Variants in MYH14 observed in about 807,000 individuals in gnomAD.
MYH14 encodes the protein myosin-14.
In MYH14, 123 loss-of-function variants were observed where a neutral mutation model predicts 255.5. The ratio of observed to expected loss-of-function variants is 0.48; its 90% confidence interval spans 0.42 to 0.56. The LOEUF (loss-of-function observed/expected upper bound fraction) is 0.56. Among genes scored for constraint, MYH14 ranks in the 20% least tolerant of loss-of-function variants. MYH14 has a pLI of 0.00. For synonymous variants in MYH14, 1,095 were observed against 1,161.2 expected (o/e 0.94, Z 1.16); for missense variants, 2,423 against 2,802.3 (o/e 0.86, Z 3.06).
intron 3 of MYH14, among the ~76,000 whole-genome samples, chr19:50,220,562 A>T (rs1040326049): frequency 6.1e-5 from 9 of 147,392 alleles, no homozygotes; most frequent in Non-Finnish European, 1.2e-4. Flanking sequence ...TATTATGCTT[A>T]TTTTTTTTTT....
intron 10 of MYH14, among the ~76,000 whole-genome samples, chr19:50,238,456 T>C (rs1442873614): frequency 6.6e-6 from 1 of 152,136 alleles, no homozygotes; most frequent in African/African-American, 2.4e-5. Context: ...TATTTTTTAT[T>C]TTTTTTGAGA....
chr19:50,295,194 A>G (rs7245426), intron 39 of MYH14, among the ~76,000 whole-genome samples: 101,532 of 151,316 alleles, frequency 0.67, 36,304 homozygotes, highest in East Asian at 0.99. Context: ...GCATGGTGGC[A>G]TGTACCTGTA....
Position 50,231,930 on chromosome 19 carries a change from C to T in MYH14, c.974C>T (p.Ala325Val). The change falls in exon 10 of 43, where the codon GCC becomes GTC. Residue 325 changes from alanine to valine, a missense_variant and splice_region_variant. Transcript: ENST00000642316. ...LLGGAGEQLK[A>V]DLLLEPCSHY... is the part of the protein sequence containing the mutation. ...TTGACCCCACTCATTGTCCCTGCAGCCGACCTCCTCCTCGAGCCCTGCTCC... is the reference window on the plus strand; with the variant it reads ...TTGACCCCACTCATTGTCCCTGCAGTCGACCTCCTCCTCGAGCCCTGCTCC... The T allele has an allele frequency of 1.2e-6, 2 of 1,613,938 alleles. No homozygotes were observed. The highest frequency in any genetic ancestry group is 1.7e-6 in the Non-Finnish European group (2 of 1,179,880).
At chr19:50,210,096 C>CAAAAAAAAAAA (rs71180680) in intron 1 of MYH14, among the ~76,000 whole-genome samples, 2 of 59,630 alleles carry the variant, frequency 3.4e-5, no homozygotes, top group African/African-American at 6.0e-5. Context: ...GACTCCGTCT[C>CAAAAAAAAAAA]AAAAAAAAAA....
chr19:50,224,183 T>C lies in MYH14; in HGVS notation c.717+6T>C. On this transcript the variant is annotated splice_donor_region_variant and intron_variant, in intron 6 of 42. Coordinates refer to ENST00000642316, the MANE Select transcript of MYH14 (RefSeq NM_001145809.2). The stretch of plus-strand genomic sequence containing the variant: ...CCGTCAGCACCGTGTCTTATGTGAG[T>C]AGCAGGGGATCACCTCGAGTCTTGC... 2 of 1,613,824 alleles carry C rather than the reference T, an allele frequency of 1.2e-6. No homozygotes were observed. Among genetic ancestry groups the C allele is most frequent in the Non-Finnish European group, 1.7e-6 (2 of 1,179,856 alleles).
In MYH14 at chr19:50,266,729, G is replaced by A; in HGVS notation, c.2695-148G>A. On this transcript the variant is annotated intron_variant, in intron 22 of 42. Transcript: ENST00000642316. The surrounding 1 kb of genome is among the most constrained non-coding windows in gnomAD (Gnocchi z 4.1). ...TTGCCTGTACCTGTCAGTGTTCTAGGCCTGTGACCAGGGACTGTTGCCAAG... is the reference window on the plus strand; with the variant it reads ...TTGCCTGTACCTGTCAGTGTTCTAGACCTGTGACCAGGGACTGTTGCCAAG... 4.3e-6 allele frequency: 4 copies of A among 936,112 alleles called. No homozygotes were observed. Among genetic ancestry groups the A allele is most frequent in the Non-Finnish European group, 6.5e-6 (4 of 611,984 alleles). 58.0% of individuals were successfully genotyped at this position (936,112 alleles called of 1,614,324 possible).
chr19:50,271,361 T>TC (rs759149973), intron 24 of MYH14, 48 bp from the exon 25 acceptor site: 16 of 1,567,436 alleles, frequency 1.0e-5, no homozygotes, highest in South Asian at 3.5e-5. Flanking sequence ...CCCATCACAC[T>TC]CCATCTATTG....
At chr19:50,286,321 A>C in intron 33 of MYH14, 161 bp from the exon 34 acceptor site, 2 of 661,792 alleles carry the variant, frequency 3.0e-6, no homozygotes, top group Non-Finnish European at 5.2e-6. Flanking sequence ...GGTTTGGGAC[A>C]CGGTTGCAAC....
intron 18 of MYH14, among the ~76,000 whole-genome samples, chr19:50,258,225 C>T (rs186044122): frequency 3.1e-4 from 47 of 152,140 alleles, no homozygotes; most frequent in African/African-American, 7.7e-4. Context: ...CCACCACGCC[C>T]AGCCTGAGAT....
intron 10 of MYH14, among the ~76,000 whole-genome samples, chr19:50,233,815 C>T (rs1380174462): frequency 3.6e-5 from 3 of 84,164 alleles, no homozygotes; most frequent in Middle Eastern, 6.3e-3. Flanking sequence ...CCCCTCCCCC[C>T]GACCCCCCCG....
intron 36 of MYH14, 81 bp from the exon 37 acceptor site, chr19:50,292,180 C>T (rs1050186852): frequency 1.0e-5 from 14 of 1,401,424 alleles, no homozygotes; most frequent in Admixed American, 5.8e-5. Flanking sequence ...TGAGGAGCCC[C>T]GTCGGTCTGG....
intron 19 of MYH14, among the ~76,000 whole-genome samples, chr19:50,259,676 C>T (rs1026014268): frequency 1.3e-5 from 2 of 152,194 alleles, no homozygotes; most frequent in Admixed American, 6.5e-5. Context: ...GTCGGAAGTT[C>T]GAGACCAGCC....
At position 50,244,628 on chromosome 19, in the gene MYH14, C is replaced by T. The variant is rs908472057; in HGVS notation, c.1210+291C>T. Reference sequence around the variant, plus strand: ...CCTCCTGAGTAGCTGGGACTACAGGCGCCCGCCACCACGCCCGGCTAATTG... The same window carrying T: ...CCTCCTGAGTAGCTGGGACTACAGGTGCCCGCCACCACGCCCGGCTAATTG... On this transcript the variant is annotated intron_variant, in intron 11 of 42. Transcript: ENST00000642316. 7.9e-5 allele frequency among the ~76,000 whole-genome samples: 12 copies of T among 151,896 alleles called. 1 individual carries two copies. The East Asian group carries it at 1.4e-3, about 17-fold the overall frequency.
At chr19:50,225,559 C>A (rs1487930739) in intron 6 of MYH14, 26 bp from the exon 7 acceptor site, 1 of 1,599,766 alleles carries the variant, frequency 6.3e-7, no homozygotes. Context: ...TCACTGACCT[C>A]ATGCATCATC....
intron 39 of MYH14, among the ~76,000 whole-genome samples, chr19:50,297,054 T>C (rs788396): frequency 0.84 from 127,047 of 151,714 alleles, 53,450 homozygotes; most frequent in East Asian, 1. Flanking sequence ...GGTGTGATCT[T>C]GGCTCACTGC....
Position 50,289,501 on chromosome 19 carries a change from G to A in MYH14, c.4818G>A (p.Val1606=). ...CAGCCAATGATCTGCGAGCACAGGT[G>A]ACAGAACTGGAGGATGAGCTGACAG... ...EQAANDLRAQ[V]TELEDELTAA... is the part of the protein sequence containing the mutation. The change falls in exon 35 of 43, where the codon GTG becomes GTA. Residue 1606 remains valine, a synonymous_variant. Transcript: ENST00000642316. 2 of 1,613,192 alleles carry A rather than the reference G, an allele frequency of 1.2e-6. No individual in the cohort carries two copies. The highest frequency in any genetic ancestry group is 1.7e-6 in the Non-Finnish European group (2 of 1,179,660).
chr19:50,295,959 A>G (rs2036250983), intron 39 of MYH14, among the ~76,000 whole-genome samples: 1 of 151,982 alleles, frequency 6.6e-6, no homozygotes, highest in African/African-American at 2.4e-5. Context: ...AAAAATACAA[A>G]AACTAGCCAG....
chr19:50,283,831 G>C (rs2035800587), intron 33 of MYH14, among the ~76,000 whole-genome samples: 1 of 152,154 alleles, frequency 6.6e-6, no homozygotes, highest in African/African-American at 2.4e-5. Context: ...CCAGCACTTT[G>C]GGAGGCCAAG....
chr19:50,224,032 T>TTGC, intron 5 of MYH14, 122 bp from the exon 6 acceptor site: 1 of 610,328 alleles, frequency 1.6e-6, no homozygotes, highest in Non-Finnish European at 3.0e-6. Context: ...ATGCCCGGTT[T>TTGC]CCCCAGTCCC....
Sources: allele counts gnomAD v4.1 joint callset (sites outside exome capture counted in the v4.1 genomes callset), GRCh38; gene constraint gnomAD v4.1.1; non-coding constraint Gnocchi (gnomAD v3.1); transcripts MANE v1.5; gene names NCBI Gene and HGNC (gene_info 2026-07-23, HGNC 2026-07-21).